Variants in MAGI2 observed in about 807,000 individuals in gnomAD.
MAGI2 encodes membrane associated guanylate kinase, WW and PDZ domain containing 2.
In MAGI2, 35 loss-of-function variants were observed where a neutral mutation model predicts 133.3. The observed-to-expected ratio is 0.26, with a 90% CI of 0.20 to 0.35. The LOEUF is 0.35. Among genes scored for constraint, MAGI2 ranks in the 10% least tolerant of loss-of-function variants. The pLI is 1.00. For missense variants in MAGI2, 1,636 were observed against 1,863.4 expected (o/e 0.88, Z 2.25); for synonymous variants, 729 against 710.6 (o/e 1.03, Z -0.41).
intron 2 of MAGI2, among the ~76,000 whole-genome samples, chr7:78,860,317 C>T (rs562926783): frequency 9.9e-5 from 15 of 152,266 alleles, no homozygotes; most frequent in African/African-American, 1.4e-4. Context: ...GGAGAAGAGG[C>T]GCTCTGATTT....
intron 1 of MAGI2, among the ~76,000 whole-genome samples, chr7:79,148,808 G>T (rs550187448): frequency 2.9e-3 from 436 of 149,156 alleles, no homozygotes; most frequent in Non-Finnish European, 5.1e-3. Flanking sequence ...TATACTATTT[G>T]GTGGTTATCC....
intron 21 of MAGI2, among the ~76,000 whole-genome samples, chr7:78,057,741 G>A (rs1395833038): frequency 6.6e-6 from 1 of 151,794 alleles, no homozygotes; most frequent in African/African-American, 2.4e-5. Context: ...TGGTTTCACT[G>A]TATTTGATCA....
chr7:78,552,113 G>A (rs1799382837), intron 3 of MAGI2, among the ~76,000 whole-genome samples: 1 of 147,992 alleles, frequency 6.8e-6, no homozygotes, highest in Non-Finnish European at 1.5e-5. Context: ...AATTCGACTT[G>A]AAGAAAAACA....
intron 1 of MAGI2, chr7:79,353,777 C>G: frequency 4.4e-6 from 1 of 229,286 alleles, no homozygotes; most frequent in South Asian, 5.5e-5. Context: ...CTGCTGGGCA[C>G]TGAGTCCATC....
rs537167479 is a variant in MAGI2, at chr7:78,632,944, G to A, written c.419-5705C>T. Among the ~76,000 whole-genome samples the A allele has an allele frequency of 5.8e-4, 88 of 152,232 alleles. 2 individuals are homozygous for A. Among genetic ancestry groups the A allele is most frequent in the Admixed American group, 9.8e-4 (15 of 15,298 alleles). On this transcript the variant is annotated intron_variant, in intron 2 of 21. Coordinates refer to ENST00000354212, the MANE Select transcript of MAGI2 (RefSeq NM_012301.4). ...TTCTACTGTAAAGACACGTGCACACGAATGTTCACTGCAGCAGTATTCACA... is the reference window on the plus strand; with the variant it reads ...TTCTACTGTAAAGACACGTGCACACAAATGTTCACTGCAGCAGTATTCACA...
intron 1 of MAGI2, among the ~76,000 whole-genome samples, chr7:79,361,690 T>C (rs1395642336): frequency 2.0e-5 from 3 of 152,202 alleles, no homozygotes; most frequent in Non-Finnish European, 2.9e-5. Context: ...CTATGGGTTA[T>C]AAAACAAATG....
intron 2 of MAGI2, among the ~76,000 whole-genome samples, chr7:78,738,563 ATAT>A: frequency 6.6e-6 from 1 of 152,170 alleles, no homozygotes; most frequent in Admixed American, 6.5e-5. Flanking sequence ...CTGCAGGCTA[ATAT>A]TATATTTCAA....
At chr7:78,729,781 C>T (rs986070999) in intron 2 of MAGI2, among the ~76,000 whole-genome samples, 5 of 152,156 alleles carry the variant, frequency 3.3e-5, no homozygotes, top group Admixed American at 1.3e-4. Context: ...CTATAATTGG[C>T]TTTCTACGTA....
chr7:78,251,371 G>C (rs1792365399), intron 10 of MAGI2: 1 of 152,146 alleles, frequency 6.6e-6, no homozygotes. Context: ...GGAAGTTCAA[G>C]CTAGTGTAAT....
intron 2 of MAGI2, among the ~76,000 whole-genome samples, chr7:78,704,109 A>G (rs1818358241): frequency 2.0e-5 from 3 of 152,178 alleles, no homozygotes; most frequent in Non-Finnish European, 4.4e-5. Context: ...TGCATATCAG[A>G]TCCATCAACA....
intron 9 of MAGI2, among the ~76,000 whole-genome samples, chr7:78,258,299 T>C (rs1793191141): frequency 6.6e-6 from 1 of 152,232 alleles, no homozygotes; most frequent in South Asian, 2.1e-4. Flanking sequence ...TCGTTTTTAA[T>C]TGATTCCATT....
chr7:79,342,130 A>G (rs897372883), intron 1 of MAGI2, among the ~76,000 whole-genome samples: 2 of 152,220 alleles, frequency 1.3e-5, no homozygotes, highest in Non-Finnish European at 2.9e-5. Flanking sequence ...TTGGTCTCAC[A>G]TTTTAAACTC....
rs1046667283 is a variant in MAGI2, at chr7:79,261,319, C to A, written c.301+191701G>T. Among the ~76,000 whole-genome samples the A allele has an allele frequency of 3.3e-5, 5 of 152,216 alleles. No homozygotes were observed. The East Asian group carries it at 9.6e-4, about 29-fold the overall frequency. On this transcript the variant is annotated intron_variant, in intron 1 of 21. Coordinates refer to ENST00000354212, the MANE Select transcript of MAGI2 (RefSeq NM_012301.4). Reference sequence around the variant, plus strand: ...CACCAGGGTTTCCCCTGGGCTACAACCTTGGCATACCCCTGTTTCAGCTGG... The same window carrying A: ...CACCAGGGTTTCCCCTGGGCTACAAACTTGGCATACCCCTGTTTCAGCTGG...
intron 1 of MAGI2, among the ~76,000 whole-genome samples, chr7:79,019,677 T>C (rs987650715): frequency 6.6e-5 from 10 of 152,112 alleles, no homozygotes. Context: ...CCCAAGTAGC[T>C]GGGACTACAG....
chr7:78,698,203 A>C (rs777738240), intron 2 of MAGI2, among the ~76,000 whole-genome samples: 1 of 152,234 alleles, frequency 6.6e-6, no homozygotes, highest in Non-Finnish European at 1.5e-5. Flanking sequence ...GAGTTTGTCA[A>C]AACTGTGCTG....
intron 1 of MAGI2, among the ~76,000 whole-genome samples, chr7:79,322,676 C>T (rs1839280852): frequency 6.6e-6 from 1 of 151,630 alleles, no homozygotes; most frequent in East Asian, 1.9e-4. Flanking sequence ...GTCCCAGCTA[C>T]TCAGCAGACT....
intron 2 of MAGI2, among the ~76,000 whole-genome samples, chr7:78,993,161 T>C (rs2116356206): frequency 6.6e-6 from 1 of 152,168 alleles, no homozygotes; most frequent in Middle Eastern, 3.4e-3. Flanking sequence ...TATCCTAGTT[T>C]TCTAAAGAAA....
In MAGI2 at chr7:78,975,917, C is replaced by T. The variant is rs550556014; in HGVS notation, c.418+31173G>A. ...CTATCCTCACCTATTTGAAAACTTA[C>T]ATGAAATGAATCAATTCCTTGAATG... On this transcript the variant is annotated intron_variant, in intron 2 of 21. Transcript: ENST00000354212. 5.3e-5 allele frequency among the ~76,000 whole-genome samples: 8 copies of T among 151,782 alleles called. No homozygotes were observed. In the South Asian group the frequency reaches 1.7e-3, roughly 31 times the overall value.
chr7:78,846,110 C>T (rs1792580119), intron 2 of MAGI2, among the ~76,000 whole-genome samples: 1 of 151,514 alleles, frequency 6.6e-6, no homozygotes, highest in Non-Finnish European at 1.5e-5. Flanking sequence ...GCCATTTTGA[C>T]AAGGTACCAT....
Sources: gnomAD v4.1 joint callset for allele counts (sites outside exome capture counted in the v4.1 genomes callset) on GRCh38, gnomAD v4.1.1 for gene constraint, MANE v1.5 for transcripts, NCBI Gene and HGNC (gene_info 2026-07-23, HGNC 2026-07-21) for gene names.